Variants in BMP5 observed in about 807,000 individuals in gnomAD.
BMP5 encodes bone morphogenetic protein 5.
BMP5 carries 23 observed loss-of-function variants against 46.6 expected under a neutral mutation model. That is an observed-to-expected ratio of 0.49 (90% CI 0.35 to 0.70). The LOEUF (loss-of-function observed/expected upper bound fraction) is 0.70, where lower values mean the gene tolerates loss of function less well. BMP5 is among the 30% of genes least tolerant of loss of function. The probability of loss-of-function intolerance (pLI) is 0.00; values close to 1 mark genes in which losing one functional copy is unlikely to be tolerated. For synonymous variants in BMP5, 204 were observed against 191.9 expected (o/e 1.06, Z -0.52); for missense variants, 545 against 565.6 (o/e 0.96, Z 0.37).
At chr6:55,854,102 G>A (rs1485568973) in intron 1 of BMP5, among the ~76,000 whole-genome samples, 1 of 152,004 alleles carries the variant, frequency 6.6e-6, no homozygotes, top group Non-Finnish European at 1.5e-5. Context: ...GAAATTGATG[G>A]AGAAAAAGGT....
At chr6:55,779,826 G>A (rs958934204) in intron 3 of BMP5, among the ~76,000 whole-genome samples, 13 of 152,042 alleles carry the variant, frequency 8.6e-5, no homozygotes, top group African/African-American at 3.1e-4. Context: ...CAGAAATTTA[G>A]CGTTCCTCCT....
At chr6:55,827,946 T>A (rs1314993215) in intron 1 of BMP5, among the ~76,000 whole-genome samples, 1 of 151,836 alleles carries the variant, frequency 6.6e-6, no homozygotes, top group Non-Finnish European at 1.5e-5. Flanking sequence ...AATATTTAGC[T>A]CTTACATTTT....
At chr6:55,864,462 C>A (rs2127554603) in intron 1 of BMP5, among the ~76,000 whole-genome samples, 1 of 152,244 alleles carries the variant, frequency 6.6e-6, no homozygotes, top group Middle Eastern at 3.4e-3. Context: ...TGTGTCTCTG[C>A]ACATACTCAC....
chr6:55,797,061 T>C (rs796818385), intron 2 of BMP5, among the ~76,000 whole-genome samples: 19 of 152,342 alleles, frequency 1.2e-4, no homozygotes, highest in African/African-American at 4.6e-4. Context: ...TCTTCTGCAT[T>C]ACCTATAGAC....
At chr6:55,864,500 A>G (rs1777594123) in intron 1 of BMP5, among the ~76,000 whole-genome samples, 1 of 152,134 alleles carries the variant, frequency 6.6e-6, no homozygotes, top group Non-Finnish European at 1.5e-5. Context: ...ACCAAGAGTT[A>G]AAACAGCATG....
intron 1 of BMP5, among the ~76,000 whole-genome samples, chr6:55,845,715 C>T (rs182157716): frequency 1.3e-5 from 2 of 151,948 alleles, no homozygotes; most frequent in Non-Finnish European, 2.9e-5. Context: ...GGTTGTGATG[C>T]TTCTCCCCTT....
At chr6:55,849,237 A>T (rs968869685) in intron 1 of BMP5, among the ~76,000 whole-genome samples, 6 of 152,040 alleles carry the variant, frequency 3.9e-5, no homozygotes, top group Non-Finnish European at 8.8e-5. Flanking sequence ...TTCATATTCT[A>T]CCGGAGAAAA....
intron 1 of BMP5, among the ~76,000 whole-genome samples, chr6:55,829,015 A>C (rs1474789771): frequency 6.6e-6 from 1 of 151,856 alleles, no homozygotes; most frequent in African/African-American, 2.4e-5. Flanking sequence ...TATCATATGG[A>C]ATAATATATA....
chr6:55,781,903 T>C (rs1231702817), intron 3 of BMP5, among the ~76,000 whole-genome samples: 1 of 152,054 alleles, frequency 6.6e-6, no homozygotes, highest in Non-Finnish European at 1.5e-5. Flanking sequence ...ATATTTGACC[T>C]TCCCTTTTGA....
At chr6:55,772,862 C>T (rs989717022) in intron 4 of BMP5, 2 of 984,944 alleles carry the variant, frequency 2.0e-6, no homozygotes, top group Non-Finnish European at 2.4e-6. Flanking sequence ...TGGTGCCTAC[C>T]CTTTAGGAAA....
chr6:55,812,533 C>A (rs978358696), intron 2 of BMP5, among the ~76,000 whole-genome samples: 24 of 152,188 alleles, frequency 1.6e-4, no homozygotes, highest in Non-Finnish European at 3.1e-4. Flanking sequence ...CTCCCTTACC[C>A]AGCCAGTCCT....
rs1024550727 is a variant in BMP5, at chr6:55,753,664, C to T, written c.*1869G>A. 2 of 151,828 alleles carry T rather than the reference C, an allele frequency of 1.3e-5. No individual in the cohort carries two copies. The highest frequency in any genetic ancestry group is 2.9e-5 in the Non-Finnish European group (2 of 67,904). 9.4% of individuals were successfully genotyped at this position (151,828 alleles called of 1,614,324 possible). ...CTTTAATTCATGGATTGTTGCTTTG[C>T]ACATTTAATAGTGAGATAATTATTA... On this transcript the variant is annotated 3_prime_UTR_variant, in exon 7 of 7. Transcript: ENST00000370830.
At chr6:55,772,699 T>C (rs548596727) in intron 4 of BMP5, 254 of 944,926 alleles carry the variant, frequency 2.7e-4, no homozygotes, top group Non-Finnish European at 3.0e-4. Flanking sequence ...TGTCATGCTT[T>C]ACTAAAAGTG....
chr6:55,862,837 T>C (rs138092402), intron 1 of BMP5, among the ~76,000 whole-genome samples: 1 of 152,216 alleles, frequency 6.6e-6, no homozygotes, highest in African/African-American at 2.4e-5. Context: ...TTTGCTCCAG[T>C]CTTTTTGGAC....
intron 2 of BMP5, among the ~76,000 whole-genome samples, chr6:55,797,699 A>C (rs116601513): frequency 0.011 from 1,667 of 147,350 alleles, 10 homozygotes; most frequent in Non-Finnish European, 0.018. Flanking sequence ...TCACTGCAAG[A>C]TCCACCTCCA....
At chr6:55,768,421 A>G (rs983667178) in intron 4 of BMP5, among the ~76,000 whole-genome samples, 1 of 151,916 alleles carries the variant, frequency 6.6e-6, no homozygotes, top group Non-Finnish European at 1.5e-5. Flanking sequence ...AATAAATTAC[A>G]TAAGATATTC....
chr6:55,866,580 A>G (rs1777644691), intron 1 of BMP5, among the ~76,000 whole-genome samples: 1 of 152,078 alleles, frequency 6.6e-6, no homozygotes, highest in African/African-American at 2.4e-5. Flanking sequence ...TGAAAAATAT[A>G]TTGCTCTTCA....
intron 3 of BMP5, among the ~76,000 whole-genome samples, chr6:55,784,389 C>A (rs1775397406): frequency 6.6e-6 from 1 of 151,774 alleles, no homozygotes; most frequent in South Asian, 2.1e-4. Flanking sequence ...GATAAAACAG[C>A]AAAATTTAGT....
intron 3 of BMP5, among the ~76,000 whole-genome samples, chr6:55,779,582 C>G (rs1775258368): frequency 6.6e-6 from 1 of 151,978 alleles, no homozygotes; most frequent in Admixed American, 6.6e-5. Flanking sequence ...ACCCAGCATA[C>G]AGAATAAATC....
Sources: gnomAD v4.1 joint callset for allele counts (sites outside exome capture counted in the v4.1 genomes callset) on GRCh38, gnomAD v4.1.1 for gene constraint, MANE v1.5 for transcripts, NCBI Gene and HGNC (gene_info 2026-07-23, HGNC 2026-07-21) for gene names.